CHD6: variants seen among roughly 807,000 people sequenced by gnomAD.
The protein encoded by CHD6 is chromodomain helicase DNA binding protein 6, also known as ATP-dependent chromatin remodeler CHD6.
Under a neutral mutation model 276.9 loss-of-function variants are expected in CHD6, and 50 were observed. The ratio of observed to expected loss-of-function variants is 0.18; its 90% CI spans 0.14 to 0.23. The LOEUF is 0.23. CHD6 is among the 10% of genes least tolerant of loss of function. CHD6 has a pLI of 1.00. For missense variants in CHD6, 2,564 were observed against 3,365.8 expected, an observed-to-expected ratio of 0.76 and a Z score of 5.89; for synonymous variants, 1,173 against 1,229.3, an observed-to-expected ratio of 0.95 and a Z score of 0.96.
chr20:41,476,494 TA>T (rs1400801524), intron 16 of CHD6, among the ~76,000 whole-genome samples: 1 of 151,846 alleles, frequency 6.6e-6, no homozygotes, highest in Non-Finnish European at 1.5e-5. Flanking sequence ...AGAGTTAATT[TA>T]AAAAAAGAAA....
chr20:41,556,903 G>A (rs1312071288), intron 1 of CHD6, among the ~76,000 whole-genome samples: 1 of 152,076 alleles, frequency 6.6e-6, no homozygotes, highest in African/African-American at 2.4e-5. Flanking sequence ...TCATCTTTTT[G>A]TAAGGCTAAA....
chr20:41,418,670 G>C (rs1377465032), intron 31 of CHD6, among the ~76,000 whole-genome samples: 7 of 152,124 alleles, frequency 4.6e-5, no homozygotes, highest in Non-Finnish European at 1.0e-4. Context: ...GCCCTGACAG[G>C]TGTACCAATT....
intron 31 of CHD6, among the ~76,000 whole-genome samples, chr20:41,417,863 A>G (rs2047053278): frequency 6.6e-6 from 1 of 152,358 alleles, no homozygotes; most frequent in South Asian, 2.1e-4. Flanking sequence ...GAACATTTCA[A>G]TTACTTCACT....
In CHD6 at chr20:41,425,344, G is replaced by A. The variant is rs772733879; in HGVS notation, c.4180C>T (p.Leu1394Phe). 1 of 1,614,210 alleles carries A rather than the reference G, an allele frequency of 6.2e-7. No homozygotes were observed. Among genetic ancestry groups the A allele is most frequent in the Non-Finnish European group, 8.5e-7 (1 of 1,180,034 alleles). The stretch of plus-strand genomic sequence containing the variant: ...ACCAGACGTCTGAGACGAGCTGTGA[G>A]GGCGGAGGAAACTGGCCAGGGCGAT... The part of the protein sequence containing the change: ...DKSPWPVSSA[L>F]TARLRRLVTV... The change falls in exon 29 of 37, where the codon CTC (leucine) becomes TTC (phenylalanine). Residue 1394 changes from leucine (L) to phenylalanine (F), a missense_variant. Transcript: ENST00000373233.
chr20:41,477,952 T>A (rs1215409713), intron 16 of CHD6, among the ~76,000 whole-genome samples: 2 of 152,160 alleles, frequency 1.3e-5, no homozygotes, highest in Non-Finnish European at 2.9e-5. Context: ...CAGTTAAAAG[T>A]GAATGTACCA....
intron 27 of CHD6, among the ~76,000 whole-genome samples, chr20:41,426,947 A>C (rs1260033978): frequency 6.6e-6 from 1 of 152,164 alleles, no homozygotes; most frequent in Admixed American, 6.5e-5. Flanking sequence ...GCATCTTTTG[A>C]CCTGAATGAC....
intron 1 of CHD6, among the ~76,000 whole-genome samples, chr20:41,613,467 G>A (rs1377594752): frequency 6.6e-6 from 1 of 152,184 alleles, no homozygotes; most frequent in Non-Finnish European, 1.5e-5. Context: ...AACTCTATCA[G>A]GCTGCAAGGG....
chr20:41,591,387 C>T (rs1010820988), intron 1 of CHD6, among the ~76,000 whole-genome samples: 223 of 149,832 alleles, frequency 1.5e-3, no homozygotes, highest in African/African-American at 3.4e-3. Flanking sequence ...TATACACACA[C>T]ACACACACAC....
chr20:41,495,950 C>T (rs2043675454), intron 8 of CHD6, among the ~76,000 whole-genome samples: 1 of 152,202 alleles, frequency 6.6e-6, no homozygotes, highest in Non-Finnish European at 1.5e-5. Flanking sequence ...GACTGCAGAG[C>T]CCAGGCTCTT....
intron 1 of CHD6, among the ~76,000 whole-genome samples, chr20:41,580,020 G>T (rs149975276): frequency 5.6e-4 from 85 of 152,078 alleles, no homozygotes; most frequent in Middle Eastern, 3.4e-3. Context: ...CCTCATACTT[G>T]GTATCAGTGT....
intron 2 of CHD6, among the ~76,000 whole-genome samples, chr20:41,544,736 TATA>T (rs540478492): frequency 7.8e-4 from 117 of 150,666 alleles, no homozygotes; most frequent in Non-Finnish European, 1.2e-3. Context: ...ATGATTACTA[TATA>T]ATCATATGTA....
chr20:41,406,657 G>C (rs2046684701), intron 36 of CHD6, among the ~76,000 whole-genome samples: 1 of 152,330 alleles, frequency 6.6e-6, no homozygotes, highest in Non-Finnish European at 1.5e-5. Flanking sequence ...AATCCCTAGA[G>C]ATTGAGAGAA....
intron 1 of CHD6, among the ~76,000 whole-genome samples, chr20:41,568,513 A>G (rs1329001168): frequency 6.6e-6 from 1 of 152,256 alleles, no homozygotes; most frequent in Non-Finnish European, 1.5e-5. Context: ...GCACTCTTCA[A>G]TCTACAGAAA....
At chr20:41,602,660 T>TA (rs921319386) in intron 1 of CHD6, among the ~76,000 whole-genome samples, 8 of 152,238 alleles carry the variant, frequency 5.3e-5, no homozygotes, top group South Asian at 2.1e-4. Flanking sequence ...CTTTTTACAT[T>TA]AAAAAAACCC....
At chr20:41,518,888 G>A (rs531133353) in intron 3 of CHD6, among the ~76,000 whole-genome samples, 304 of 152,316 alleles carry the variant, frequency 2.0e-3, no homozygotes, top group African/African-American at 6.5e-3. Context: ...ATGCTTGAGA[G>A]TTTTATCAAC....
At chr20:41,543,962 A>T (rs1476619555) in intron 2 of CHD6, among the ~76,000 whole-genome samples, 2 of 152,202 alleles carry the variant, frequency 1.3e-5, no homozygotes, top group Non-Finnish European at 2.9e-5. Context: ...CAGAGCGGCC[A>T]GGCACGGTGG....
At chr20:41,498,803 ATGTATGTATGTG>A (rs1375794219) in intron 6 of CHD6, among the ~76,000 whole-genome samples, 31 of 96,048 alleles carry the variant, frequency 3.2e-4, no homozygotes, top group African/African-American at 1.2e-3. Flanking sequence ...GTATGTATGT[ATGTATGTATGTG>A]TGTGTGTGTG....
At chr20:41,446,307 A>G (rs1380156600) in intron 24 of CHD6, among the ~76,000 whole-genome samples, 4 of 152,194 alleles carry the variant, frequency 2.6e-5, no homozygotes, top group Admixed American at 6.5e-5. Context: ...GGTAAGTGCC[A>G]TAACAGGTGG....
intron 17 of CHD6, among the ~76,000 whole-genome samples, chr20:41,470,381 C>T (rs1007525012): frequency 2.0e-5 from 3 of 152,072 alleles, no homozygotes; most frequent in Middle Eastern, 3.2e-3. Context: ...TGATTCCTTC[C>T]GAGTTGTACA....
Sources: gnomAD v4.1 joint callset for allele counts (sites outside exome capture counted in the v4.1 genomes callset) on GRCh38, gnomAD v4.1.1 for gene constraint, MANE v1.5 for transcripts, NCBI Gene and HGNC (gene_info 2026-07-23, HGNC 2026-07-21) for gene names.